TRMT6: variants seen among roughly 807,000 people sequenced by gnomAD.
TRMT6 encodes tRNA (adenine(58)-N(1))-methyltransferase non-catalytic subunit TRM6.
TRMT6 carries 34 observed loss-of-function variants against 59.0 expected under a neutral mutation model. The ratio of observed to expected loss-of-function variants is 0.58; its 90% CI spans 0.44 to 0.77. The LOEUF is 0.77. Among genes scored for constraint, TRMT6 ranks in the 30% least tolerant of loss-of-function variants. The probability of loss-of-function intolerance (pLI) is 0.00; values close to 1 mark genes in which losing one functional copy is unlikely to be tolerated. For missense variants in TRMT6, 575 were observed against 604.5 expected, an observed-to-expected ratio of 0.95 and a Z score of 0.51; for synonymous variants, 217 against 210.5, an observed-to-expected ratio of 1.03 and a Z score of -0.27.
chr20:5,942,694 G>C lies in TRMT6; in HGVS notation c.760C>G (p.Leu254Val). 1 of 1,614,120 alleles carries C rather than the reference G, an allele frequency of 6.2e-7. No homozygotes were observed. Among genetic ancestry groups the C allele is most frequent in the Non-Finnish European group, 8.5e-7 (1 of 1,180,012 alleles). The change falls in exon 7 of 11, where the codon CTT (leucine) becomes GTT (valine). Residue 254 changes from leucine (L) to valine (V), a missense_variant. Physicochemically the swap from Leu to Val is conservative, Grantham distance 32 (BLOSUM62 1). Transcript: ENST00000203001. ...ACTTTGTTGAGAGGGAATTCATAAAGACCACTGAGAAAAGATTTGGGAAAT... is the reference window on the plus strand; with the variant it reads ...ACTTTGTTGAGAGGGAATTCATAAACACCACTGAGAAAAGATTTGGGAAAT... ...FGFPKSFLSGLYEFPLNKVDS... is the reference protein window; with the variant it reads ...FGFPKSFLSGVYEFPLNKVDS...
chr20:5,938,276 A>T lies in TRMT6; in HGVS notation c.*259T>A. ...ATGTTGAAGTTCTCAAGATATTTGC[A>T]CAGAATATTTAGAAGTACTTAGAGG... is the stretch of plus-strand genomic sequence containing the variant. On this transcript the variant is annotated 3_prime_UTR_variant, in exon 11 of 11. Transcript: ENST00000203001. 5.6e-6 allele frequency: 2 copies of T among 354,664 alleles called. No homozygotes were observed. The highest frequency in any genetic ancestry group is 1.0e-5 in the Non-Finnish European group (2 of 197,078). The allele number at this position is 354,664 out of a possible 1,614,324, so 22.0% of individuals were successfully genotyped here.
chr20:5,944,890 T>A lies in TRMT6; in HGVS notation c.281A>T (p.Asn94Ile). The A allele has an allele frequency of 1.2e-6, 2 of 1,613,916 alleles. No individual in the cohort carries two copies. The highest frequency in any genetic ancestry group is 4.5e-5 in the East Asian group (2 of 44,876). Reference protein sequence around the residue: ...TAETKEAGTDNRNIVDDGKSQ... With the variant: ...TAETKEAGTDIRNIVDDGKSQ... ...TTTCCCATCATCAACTATATTTCGA[T>A]TATCAGTGCCCGCTTCTTTAGTCTC... The change falls in exon 3 of 11, where the codon AAT becomes ATT. Residue 94 changes from asparagine (N) to isoleucine (I), a missense_variant. Physicochemically the swap from Asn to Ile is moderately radical, Grantham distance 149. Transcript: ENST00000203001.
At chr20:5,940,667 G>GC (rs1278831369) in intron 10 of TRMT6, among the ~76,000 whole-genome samples, 1 of 152,182 alleles carries the variant, frequency 6.6e-6, no homozygotes, top group African/African-American at 2.4e-5. Context: ...CACCCAGGCT[G>GC]GAGTGCAGTG....
chr20:5,941,203 T>C, intron 9 of TRMT6, 40 bp downstream of exon 9: 2 of 1,607,404 alleles, frequency 1.2e-6, no homozygotes, highest in Non-Finnish European at 1.7e-6. Context: ...GAATCAACAT[T>C]CAGACATAAG....
intron 8 of TRMT6, 50 bp downstream of exon 8, chr20:5,941,901 G>A (rs1568558080): frequency 2.8e-6 from 4 of 1,449,130 alleles, no homozygotes; most frequent in Non-Finnish European, 3.9e-6. Context: ...TCTGTCTGAA[G>A]CAGAGCCCAC....
At position 5,938,418 on chromosome 20, in the gene TRMT6, G is replaced by T; in HGVS notation, c.*117C>A. 9.2e-7 allele frequency: 1 copy of T among 1,089,726 alleles called. No homozygotes were observed. The highest frequency in any genetic ancestry group is 1.3e-6 in the Non-Finnish European group (1 of 751,268). 67.5% of individuals were successfully genotyped at this position (1,089,726 alleles called of 1,614,324 possible). ...ATATACTCCTCCTTCCTAGAAACGG[G>T]TACATAGACATGTTCTTATTCTTGG... On this transcript the variant is annotated 3_prime_UTR_variant, in exon 11 of 11. Coordinates refer to ENST00000203001, the MANE Select transcript of TRMT6 (RefSeq NM_015939.5).
At position 5,950,295 on chromosome 20, in the gene TRMT6, T is replaced by C. The variant is rs200106114; in HGVS notation, c.111A>G (p.Val37=). The change falls in exon 1 of 11, where the codon GTA becomes GTG. Residue 37 remains valine (V), a synonymous_variant. Coordinates refer to ENST00000203001, the MANE Select transcript of TRMT6 (RefSeq NM_015939.5). ...TGACTTACTTTCTCCGCTGGACTTG[T>C]ACTGCTTTAAACACATCTTCACGTT... The part of the protein sequence containing the change: ...VLKREDVFKA[V]QVQRRKKVTF... 129 of 1,612,068 alleles carry C rather than the reference T, an allele frequency of 8.0e-5. No homozygotes were observed. Among genetic ancestry groups the C allele is most frequent in the Non-Finnish European group, 3.8e-5 (45 of 1,178,912 alleles).
Position 5,950,384 on chromosome 20 carries a change from G to A in TRMT6, c.22C>T (p.Pro8Ser). Residue 8 changes from proline (P) to serine (S), a missense_variant, in exon 1 of 11, where the codon CCG becomes TCG. Coordinates refer to ENST00000203001, the MANE Select transcript of TRMT6 (RefSeq NM_015939.5). The part of the protein sequence containing the change: MEGSGEQ[P>S]GPQPQHPGDH... ...CCGGGATGCTGTGGTTGTGGGCCCG[G>A]CTGCTCCCCTGAGCCCTCCATGACG... The A allele has an allele frequency of 6.2e-7, 1 of 1,605,608 alleles. No individual in the cohort carries two copies. The highest frequency in any genetic ancestry group is 8.5e-7 in the Non-Finnish European group (1 of 1,179,630).
At chr20:5,949,276 G>C (rs2088747415) in intron 1 of TRMT6, among the ~76,000 whole-genome samples, 1 of 151,908 alleles carries the variant, frequency 6.6e-6, no homozygotes, top group Admixed American at 6.6e-5. Flanking sequence ...CAGGAGAATC[G>C]CTTGAACCTC....
rs765348142 is a variant in TRMT6 at position 5,941,313 on chromosome 20, G to A, written c.1145C>T (p.Pro382Leu). The A allele has an allele frequency of 1.2e-5, 19 of 1,614,030 alleles. No individual in the cohort carries two copies. In the South Asian group the frequency reaches 1.8e-4, roughly 15 times the overall value. ...LIVASRFHPT[P>L]LLLSLLDFVA... ...AAAGTCCAGCAAAGACAGCAGCAGGGGAGTGGGGTGGAAACGACTAGCTAC... is the reference window on the plus strand; with the variant it reads ...AAAGTCCAGCAAAGACAGCAGCAGGAGAGTGGGGTGGAAACGACTAGCTAC... Residue 382 changes from proline (P) to leucine (L), a missense_variant, in exon 9 of 11, where the codon CCC becomes CTC. Coordinates refer to ENST00000203001, the MANE Select transcript of TRMT6 (RefSeq NM_015939.5).
At chr20:5,940,199 C>T (rs1276201726) in intron 10 of TRMT6, among the ~76,000 whole-genome samples, 1 of 152,210 alleles carries the variant, frequency 6.6e-6, no homozygotes, top group African/African-American at 2.4e-5. Context: ...CATCAACCTG[C>T]ACCACCAATC....
Position 5,943,588 on chromosome 20 carries a change from A to G in TRMT6, c.638T>C (p.Val213Ala), listed in dbSNP as rs770370411. ...MIVMETCAGL[V>A]LGAMMERMGG... is the part of the protein sequence containing the mutation. ...CATTCGTTCCATCATTGCACCCAGC[A>G]CCAAGCCTGCACACGTTTCCATCAC... Residue 213 changes from valine to alanine, a missense_variant, in exon 6 of 11, where the codon GTG becomes GCG. Coordinates refer to ENST00000203001, the MANE Select transcript of TRMT6 (RefSeq NM_015939.5). 1.9e-6 allele frequency: 3 copies of G among 1,614,118 alleles called. No homozygotes were observed. Among genetic ancestry groups the G allele is most frequent in the African/African-American group, 1.3e-5 (1 of 74,946 alleles).
At chr20:5,944,783 C>G in intron 3 of TRMT6, 22 bp downstream of exon 3, 3 of 1,590,138 alleles carry the variant, frequency 1.9e-6, no homozygotes, top group Non-Finnish European at 2.6e-6. Flanking sequence ...AAAAACAAAA[C>G]TAAAAATCCT....
chr20:5,940,978 T>C, intron 10 of TRMT6, 75 bp downstream of exon 10: 3 of 1,153,194 alleles, frequency 2.6e-6, no homozygotes, highest in Non-Finnish European at 3.9e-6. Context: ...CTCTATTTAA[T>C]GACTTCTAGT....
chr20:5,943,728 C>T (rs748913540), intron 5 of TRMT6, 45 bp from the exon 6 acceptor site: 29 of 1,581,224 alleles, frequency 1.8e-5, no homozygotes, highest in Middle Eastern at 1.7e-4. Flanking sequence ...TAAGTAAAGC[C>T]TATTATTTTA....
chr20:5,941,925 T>TGCC, intron 8 of TRMT6, 26 bp downstream of exon 8: 1 of 1,595,912 alleles, frequency 6.3e-7, no homozygotes, highest in Non-Finnish European at 8.6e-7. Flanking sequence ...CACTGAGGAG[T>TGCC]CTCCTGCCTT....
chr20:5,938,883 C>T (rs1282553876), intron 10 of TRMT6, among the ~76,000 whole-genome samples, 157 bp from the exon 11 acceptor site: 1 of 151,110 alleles, frequency 6.6e-6, no homozygotes, highest in Non-Finnish European at 1.5e-5. Context: ...CCCTCCCTCC[C>T]TCTCTCCCTT....
intron 1 of TRMT6, among the ~76,000 whole-genome samples, chr20:5,947,960 A>T (rs1401166999): frequency 1.3e-5 from 2 of 152,178 alleles, no homozygotes; most frequent in Non-Finnish European, 2.9e-5. Flanking sequence ...CTGAAGCAGG[A>T]GGGTCACTTG....
intron 3 of TRMT6, among the ~76,000 whole-genome samples, chr20:5,944,473 G>C (rs2088687791): frequency 6.6e-6 from 1 of 152,124 alleles, no homozygotes; most frequent in Non-Finnish European, 1.5e-5. Flanking sequence ...TAAAAGAACA[G>C]AGATATCCAA....
Sources: allele counts gnomAD v4.1 joint callset (sites outside exome capture counted in the v4.1 genomes callset), GRCh38; gene constraint gnomAD v4.1.1; transcripts MANE v1.5; gene names NCBI Gene and HGNC (gene_info 2026-07-23, HGNC 2026-07-21).